Variants in CFAP57 observed in about 807,000 individuals in gnomAD.
The protein encoded by CFAP57 is cilia and flagella associated protein 57.
CFAP57 carries 116 observed loss-of-function variants against 146.8 expected under a neutral mutation model. The observed-to-expected ratio is 0.79, with a 90% CI of 0.68 to 0.92. CFAP57 has a LOEUF of 0.92. CFAP57 is among the 40% of genes least tolerant of loss of function. The pLI, the probability that CFAP57 is intolerant of heterozygous loss-of-function variation, is 0.00. For missense variants in CFAP57, 1,377 were observed against 1,527.2 expected (o/e 0.90, Z 1.64); for synonymous variants, 518 against 552.8 (o/e 0.94, Z 0.88).
chr1:43,172,863 A>G lies in CFAP57; in HGVS notation c.110A>G (p.His37Arg), dbSNP rs767905897. 7 of 1,613,984 alleles carry G rather than the reference A, an allele frequency of 4.3e-6. No homozygotes were observed. The highest frequency in any genetic ancestry group is 4.2e-6 in the Non-Finnish European group (5 of 1,179,934). ...ATCATTATATTTCCTTCAGGAAATC[A>G]CTGTGTGAAGTACAATGTGGATCAG... The part of the protein sequence containing the change: ...EQIIIFPSGN[H>R]CVKYNVDQKW... The change falls in exon 2 of 23, where the codon CAC becomes CGC. Residue 37 changes from histidine (H) to arginine (R), a missense_variant. Physicochemically the swap from His to Arg is conservative, Grantham distance 29. Transcript: ENST00000372492.
At chr1:43,198,738 C>A in intron 8 of CFAP57, 92 bp downstream of exon 8, 1 of 1,378,316 alleles carries the variant, frequency 7.3e-7, no homozygotes, top group Non-Finnish European at 1.0e-6. Flanking sequence ...GAGGTGGGAC[C>A]AAAATCTGTC....
At chr1:43,215,716 TTCTCTTATGACCA>T (rs1026894682) in intron 12 of CFAP57, among the ~76,000 whole-genome samples, 14 of 152,356 alleles carry the variant, frequency 9.2e-5, no homozygotes, top group African/African-American at 3.4e-4. Flanking sequence ...AAACATACAG[TTCTCTTATGACCA>T]ACAGTTCCTA....
intron 9 of CFAP57, among the ~76,000 whole-genome samples, chr1:43,204,311 C>T (rs551511579): frequency 1.2e-4 from 19 of 152,100 alleles, no homozygotes; most frequent in African/African-American, 3.4e-4. Flanking sequence ...AGTCTTTGTC[C>T]GCAAAATCTA....
chr1:43,178,806 A>C (rs977407505), intron 2 of CFAP57, among the ~76,000 whole-genome samples: 1 of 152,216 alleles, frequency 6.6e-6, no homozygotes, highest in Non-Finnish European at 1.5e-5. Flanking sequence ...AAGGATTATA[A>C]ATCATGCTGC....
At chr1:43,172,503 G>T in intron 1 of CFAP57, 50 bp downstream of exon 1, 1 of 1,386,464 alleles carries the variant, frequency 7.2e-7, no homozygotes, top group Non-Finnish European at 9.5e-7. Context: ...AGCAGTGAGG[G>T]TACAAAGGAA....
chr1:43,173,741 C>G (rs1423249127), intron 2 of CFAP57, among the ~76,000 whole-genome samples: 1 of 152,218 alleles, frequency 6.6e-6, no homozygotes, highest in Middle Eastern at 3.2e-3. Flanking sequence ...AAATAACAAT[C>G]ATTTGCTATT....
In CFAP57 at chr1:43,243,288, C is replaced by T. The variant is rs774041864; in HGVS notation, c.3467C>T (p.Ser1156Phe). Residue 1156 changes from serine to phenylalanine, a missense_variant, in exon 22 of 23, where the codon TCC (serine) becomes TTC (phenylalanine). Coordinates refer to ENST00000372492, the MANE Select transcript of CFAP57 (RefSeq NM_001378189.1). ...CGCAGGGAGCTGAAGTTCACTCGGT[C>T]CCAAGTCTATGACCTTGAAGCAGCT... Reference protein sequence around the residue: ...ELRRELKFTRSQVYDLEAALK... With the variant: ...ELRRELKFTRFQVYDLEAALK... The T allele has an allele frequency of 3.2e-6, 5 of 1,549,886 alleles. No homozygotes were observed. Among genetic ancestry groups the T allele is most frequent in the African/African-American group, 1.4e-5 (1 of 73,006 alleles).
At chr1:43,196,631 T>C (rs1225001807) in intron 6 of CFAP57, 1 of 152,320 alleles carries the variant, frequency 6.6e-6, no homozygotes, top group Non-Finnish European at 1.5e-5. Flanking sequence ...TACATCTCAT[T>C]AAATTTCCCA....
intron 13 of CFAP57, among the ~76,000 whole-genome samples, 162 bp from the exon 14 acceptor site, chr1:43,221,210 A>G (rs1459095223): frequency 6.6e-6 from 1 of 152,232 alleles, no homozygotes; most frequent in African/African-American, 2.4e-5. Context: ...CATAAATGAA[A>G]AGTGACAATG....
rs1645423078 is a variant in CFAP57, at chr1:43,181,849, A to G, written c.473A>G (p.Gln158Arg). Reference sequence around the variant, plus strand: ...GACACTCAGAACAACCCTGTCTACCAGGTACCTAGTAGTGTGACAAGTATC... The same window carrying G: ...GACACTCAGAACAACCCTGTCTACCGGGTACCTAGTAGTGTGACAAGTATC... ...RIDTQNNPVY[Q>R]VSFSPQDNTQ... Residue 158 changes from glutamine to arginine, a missense_variant and splice_region_variant, in exon 3 of 23, where the codon CAG (glutamine) becomes CGG (arginine). Coordinates refer to ENST00000372492, the MANE Select transcript of CFAP57 (RefSeq NM_001378189.1). 1 of 1,614,200 alleles carries G rather than the reference A, an allele frequency of 6.2e-7. No individual in the cohort carries two copies.
intron 6 of CFAP57, among the ~76,000 whole-genome samples, chr1:43,187,230 CAAAG>C (rs1470609585): frequency 2.0e-5 from 3 of 151,994 alleles, no homozygotes; most frequent in Non-Finnish European, 4.4e-5. Context: ...TTTGGAATAA[CAAAG>C]AAAGCTAGTA....
chr1:43,200,283 C>G (rs185294807), intron 9 of CFAP57, among the ~76,000 whole-genome samples: 1 of 151,780 alleles, frequency 6.6e-6, no homozygotes, highest in Non-Finnish European at 1.5e-5. Context: ...CTCAGGAGTT[C>G]GAGACTAGCC....
At position 43,209,832 on chromosome 1, in the gene CFAP57, G is replaced by A; in HGVS notation, c.1845G>A (p.Val615=). The A allele has an allele frequency of 6.2e-7, 1 of 1,614,174 alleles. No individual in the cohort carries two copies. Among genetic ancestry groups the A allele is most frequent in the Non-Finnish European group, 8.5e-7 (1 of 1,180,026 alleles). The change falls in exon 11 of 23, where the codon GTG becomes GTA. Residue 615 remains valine, a synonymous_variant. Transcript: ENST00000372492. The part of the protein sequence containing the change: ...SGRMMFVGTS[V]GTIRAMKYPL... ...GCATGATGTTTGTGGGCACCTCGGTGGGAACCATTCGTGCCATGAAGTACC... is the reference window on the plus strand; with the variant it reads ...GCATGATGTTTGTGGGCACCTCGGTAGGAACCATTCGTGCCATGAAGTACC...
chr1:43,193,974 G>T (rs1354149239), intron 6 of CFAP57, among the ~76,000 whole-genome samples: 2 of 151,906 alleles, frequency 1.3e-5, no homozygotes, highest in African/African-American at 4.8e-5. Context: ...TATGCATATT[G>T]TTTCCTACAA....
At chr1:43,224,008 A>C (rs77676272) in intron 16 of CFAP57, 38 bp from the exon 17 acceptor site, 21,990 of 1,549,020 alleles carry the variant, frequency 0.014, 316 homozygotes, top group South Asian at 0.057. Flanking sequence ...ATGAGTTCTG[A>C]CTTTAGTGGT....
intron 8 of CFAP57, 104 bp from the exon 9 acceptor site, chr1:43,199,285 CG>C: frequency 9.5e-7 from 1 of 1,049,628 alleles, no homozygotes; most frequent in South Asian, 1.3e-5. Flanking sequence ...CACCCTCACA[CG>C]TAGTTTCAGT....
chr1:43,231,994 C>A, intron 18 of CFAP57: 1 of 651,122 alleles, frequency 1.5e-6, no homozygotes, highest in Non-Finnish European at 2.8e-6. Context: ...CCCTTCTCAG[C>A]TTCCCCTTTC....
At chr1:43,190,930 C>T (rs1643479739) in intron 6 of CFAP57, among the ~76,000 whole-genome samples, 1 of 151,966 alleles carries the variant, frequency 6.6e-6, no homozygotes, top group African/African-American at 2.4e-5. Context: ...AAATAGTGAT[C>T]TGTAGTTTTC....
intron 2 of CFAP57, among the ~76,000 whole-genome samples, chr1:43,176,422 A>G (rs952772062): frequency 6.6e-6 from 1 of 152,194 alleles, no homozygotes; most frequent in South Asian, 2.1e-4. Context: ...TATAAAGGTC[A>G]TGACATTGGG....
Sources: allele counts gnomAD v4.1 joint callset (sites outside exome capture counted in the v4.1 genomes callset), GRCh38; gene constraint gnomAD v4.1.1; transcripts MANE v1.5; gene names NCBI Gene and HGNC (gene_info 2026-07-23, HGNC 2026-07-21).